DCC: variants seen among roughly 807,000 people sequenced by gnomAD.
The protein encoded by DCC is DCC netrin 1 receptor.
In DCC, 58 loss-of-function variants were observed where a neutral mutation model predicts 172.5. The ratio of observed to expected loss-of-function variants is 0.34; its 90% CI spans 0.27 to 0.42. The LOEUF is 0.42. DCC is among the 10% of genes least tolerant of loss of function. The pLI is 1.00. For missense variants in DCC, 1,740 were observed against 1,791.0 expected (o/e 0.97, Z 0.51); for synonymous variants, 709 against 644.5 (o/e 1.10, Z -1.52).
chr18:52,615,908 G>T (rs907220405), intron 1 of DCC, among the ~76,000 whole-genome samples: 10 of 152,002 alleles, frequency 6.6e-5, no homozygotes, highest in African/African-American at 1.9e-4. Flanking sequence ...TTTATATGCA[G>T]ATATATAAAC....
intron 12 of DCC, among the ~76,000 whole-genome samples, chr18:53,302,134 T>A (rs1244371288): frequency 6.6e-6 from 1 of 152,206 alleles, no homozygotes; most frequent in Non-Finnish European, 1.5e-5. Flanking sequence ...ATTTAAGACC[T>A]ACCCTCGTGA....
chr18:53,422,162 A>C (rs1204908577), intron 21 of DCC, among the ~76,000 whole-genome samples: 1 of 152,180 alleles, frequency 6.6e-6, no homozygotes, highest in Non-Finnish European at 1.5e-5. Context: ...CATGATTCTA[A>C]GATTCCACAT....
rs1164135674 is a variant in DCC, at chr18:52,837,148, C to T, written c.413-68896C>T. Among the ~76,000 whole-genome samples, 3 of 152,180 alleles carry T rather than the reference C, an allele frequency of 2.0e-5. No homozygotes were observed. In the East Asian group the frequency reaches 5.8e-4, roughly 29 times the overall value. Reference sequence around the variant, plus strand: ...TAGGCTGCACACAGCAGGAGGGGCTCTGGGTTGGGCCCTTGAAACCATATT... The same window carrying T: ...TAGGCTGCACACAGCAGGAGGGGCTTTGGGTTGGGCCCTTGAAACCATATT... On this transcript the variant is annotated intron_variant, in intron 2 of 28. Coordinates refer to ENST00000442544, the MANE Select transcript of DCC (RefSeq NM_005215.4).
intron 11 of DCC, among the ~76,000 whole-genome samples, chr18:53,212,219 C>G (rs1459763856): frequency 6.6e-6 from 1 of 152,124 alleles, no homozygotes; most frequent in African/African-American, 2.4e-5. Flanking sequence ...ACATCCTTCT[C>G]CATATTGAGG....
At chr18:52,810,674 A>G (rs910304044) in intron 2 of DCC, among the ~76,000 whole-genome samples, 1 of 152,202 alleles carries the variant, frequency 6.6e-6, no homozygotes, top group East Asian at 1.9e-4. Context: ...CAAAGCAAAG[A>G]TACCACTCAA....
intron 1 of DCC, among the ~76,000 whole-genome samples, chr18:52,532,454 A>G (rs2032178291): frequency 1.3e-5 from 2 of 152,162 alleles, no homozygotes; most frequent in South Asian, 4.1e-4. Flanking sequence ...TGTTCAAAGT[A>G]CAAAATAATA....
chr18:53,072,534 C>A (rs965624303), intron 7 of DCC, among the ~76,000 whole-genome samples: 1 of 152,064 alleles, frequency 6.6e-6, no homozygotes, highest in African/African-American at 2.4e-5. Context: ...AGTGGAGGGC[C>A]GTGGAACTGG....
intron 1 of DCC, among the ~76,000 whole-genome samples, chr18:52,379,925 G>T (rs797005553): frequency 3.3e-5 from 5 of 152,218 alleles, no homozygotes; most frequent in East Asian, 1.9e-4. Context: ...TAATTTATAA[G>T]AATAGAAATT....
chr18:53,253,031 G>T (rs1436764908), intron 12 of DCC, among the ~76,000 whole-genome samples: 2 of 151,680 alleles, frequency 1.3e-5, no homozygotes, highest in African/African-American at 4.8e-5. Flanking sequence ...TTTTATTCAT[G>T]TACCATTTTC....
At chr18:52,557,708 G>T (rs1161292883) in intron 1 of DCC, among the ~76,000 whole-genome samples, 1 of 152,188 alleles carries the variant, frequency 6.6e-6, no homozygotes, top group Non-Finnish European at 1.5e-5. Context: ...CACTCAGGCT[G>T]GAGTTCAGTG....
intron 1 of DCC, among the ~76,000 whole-genome samples, chr18:52,470,214 G>T (rs1988907925): frequency 6.6e-6 from 1 of 152,172 alleles, no homozygotes; most frequent in African/African-American, 2.4e-5. Flanking sequence ...GAATAGCCCT[G>T]ATTCTCCTCC....
intron 1 of DCC, among the ~76,000 whole-genome samples, chr18:52,554,009 A>G (rs1027495172): frequency 2.0e-5 from 3 of 152,052 alleles, no homozygotes; most frequent in Admixed American, 1.3e-4. Flanking sequence ...TGAAAAAGTT[A>G]TTTACCTTCT....
At chr18:53,022,310 A>G (rs1223062410) in intron 5 of DCC, among the ~76,000 whole-genome samples, 1 of 152,016 alleles carries the variant, frequency 6.6e-6, no homozygotes, top group Admixed American at 6.6e-5. Flanking sequence ...CACATCTGCC[A>G]TGTATTATCT....
In DCC at chr18:53,495,389, CAAAAAAAAAAAA is replaced by C. The variant is rs71179511; in HGVS notation, c.3899-3903_3899-3892del. 9.5e-4 allele frequency among the ~76,000 whole-genome samples: 111 copies of C among 116,690 alleles called. No individual in the cohort carries two copies. The Middle Eastern group carries it at 0.013, about 13-fold the overall frequency. The allele number at this position is 116,690 out of a possible 152,430, so 76.6% of individuals were successfully genotyped here. ...TGGGTAACAGAGCAAGACTCCATCT[CAAAAAAAAAAAA>C]AAAAAGAAAGAAAGAAAATTCTTTA... On this transcript the variant is annotated intron_variant, in intron 26 of 28. Coordinates refer to ENST00000442544, the MANE Select transcript of DCC (RefSeq NM_005215.4).
At chr18:52,361,270 T>C (rs1984606380) in intron 1 of DCC, among the ~76,000 whole-genome samples, 1 of 152,180 alleles carries the variant, frequency 6.6e-6, no homozygotes, top group Non-Finnish European at 1.5e-5. Flanking sequence ...TAAACCACAA[T>C]TTATTTGTTT....
intron 24 of DCC, among the ~76,000 whole-genome samples, chr18:53,464,599 T>TAG (rs1439918536): frequency 6.6e-6 from 1 of 151,818 alleles, no homozygotes; most frequent in Non-Finnish European, 1.5e-5. Context: ...TGAATTCATG[T>TAG]AATATCAAGC....
At chr18:52,932,504 T>G (rs1415500418) in intron 5 of DCC, among the ~76,000 whole-genome samples, 1 of 152,158 alleles carries the variant, frequency 6.6e-6, no homozygotes, top group Admixed American at 6.6e-5. Context: ...GGAACTTTAC[T>G]GAGGATGGTC....
At chr18:52,754,731 C>T (rs916424049) in intron 2 of DCC, among the ~76,000 whole-genome samples, 1 of 152,224 alleles carries the variant, frequency 6.6e-6, no homozygotes, top group Non-Finnish European at 1.5e-5. Context: ...GGTAGACTGG[C>T]TAGCCATTCT....
intron 1 of DCC, among the ~76,000 whole-genome samples, chr18:52,688,257 A>C (rs11877265): frequency 0.41 from 62,353 of 151,818 alleles, 13,128 homozygotes; most frequent in Non-Finnish European, 0.47. Context: ...AGTGTGAACT[A>C]AGCTCTGAGC....
Sources: gnomAD v4.1 joint callset for allele counts (sites outside exome capture counted in the v4.1 genomes callset) on GRCh38, gnomAD v4.1.1 for gene constraint, MANE v1.5 for transcripts, NCBI Gene and HGNC (gene_info 2026-07-23, HGNC 2026-07-21) for gene names.